KCNN2: variants seen among roughly 807,000 people sequenced by gnomAD.
KCNN2 encodes potassium calcium-activated channel subfamily N member 2.
KCNN2 carries 24 observed loss-of-function variants against 55.5 expected under a neutral mutation model. That is an observed-to-expected ratio of 0.43 (90% CI 0.31 to 0.61). KCNN2 has a LOEUF of 0.61. Ranked by LOEUF, KCNN2 falls within the 20% of genes least tolerant of loss-of-function variation. The pLI, the probability that KCNN2 is intolerant of heterozygous loss-of-function variation, is 0.08. For missense variants in KCNN2, 754 were observed against 853.6 expected (o/e 0.88, Z 1.45); for synonymous variants, 431 against 336.1 (o/e 1.28, Z -3.09).
intron 2 of KCNN2, among the ~76,000 whole-genome samples, chr5:114,257,130 G>A (rs1441971547): frequency 1.3e-5 from 2 of 152,040 alleles, no homozygotes; most frequent in African/African-American, 4.8e-5. Flanking sequence ...TTTCCCTAGT[G>A]TATATTTTTA....
chr5:114,325,991 T>G (rs1179647280), intron 2 of KCNN2, among the ~76,000 whole-genome samples: 1 of 152,240 alleles, frequency 6.6e-6, no homozygotes, highest in Non-Finnish European at 1.5e-5. Flanking sequence ...TGCAGTTAAA[T>G]GCATGAATTC....
intron 1 of KCNN2, among the ~76,000 whole-genome samples, chr5:114,138,913 T>C (rs961922403): frequency 2.0e-5 from 3 of 152,182 alleles, no homozygotes; most frequent in African/African-American, 7.2e-5. Context: ...TGTTGCTTAT[T>C]TGATTTCTGG....
Position 114,091,380 on chromosome 5 carries a change from G to A in KCNN2, c.-271+34880G>A, listed in dbSNP as rs995560959. Reference sequence around the variant, plus strand: ...TCTGTTACTAGATATATATAAATTCGGAGCTACCTGAAATATCCAAATTGA... The same window carrying A: ...TCTGTTACTAGATATATATAAATTCAGAGCTACCTGAAATATCCAAATTGA... On this transcript the variant is annotated intron_variant, in intron 1 of 10. Coordinates refer to the KCNN2 transcript ENST00000512097. Among the ~76,000 whole-genome samples the A allele has an allele frequency of 4.6e-5, 7 of 152,100 alleles. No homozygotes were observed. In the East Asian group the frequency reaches 9.7e-4, roughly 21 times the overall value.
intron 1 of KCNN2, among the ~76,000 whole-genome samples, chr5:114,104,210 C>A (rs148387095): frequency 0.029 from 4,471 of 152,148 alleles, 223 homozygotes; most frequent in African/African-American, 0.1. Context: ...GGTTTATTTT[C>A]TAAGAGGTGT....
intron 1 of KCNN2, among the ~76,000 whole-genome samples, chr5:114,092,381 A>G (rs921199180): frequency 6.6e-6 from 1 of 152,118 alleles, no homozygotes; most frequent in African/African-American, 2.4e-5. Flanking sequence ...TCTGAAGGGT[A>G]CAGTTCCACT....
chr5:114,141,539 C>T (rs544600746), intron 1 of KCNN2, among the ~76,000 whole-genome samples: 1 of 152,276 alleles, frequency 6.6e-6, no homozygotes, highest in East Asian at 1.9e-4. Flanking sequence ...CATTGATGGA[C>T]ATTTGGGTTG....
At chr5:114,318,140 G>A (rs893258828) in intron 2 of KCNN2, among the ~76,000 whole-genome samples, 16 of 152,126 alleles carry the variant, frequency 1.1e-4, no homozygotes, top group African/African-American at 3.9e-4. Flanking sequence ...TCTTCAGTTG[G>A]ACTCATTATA....
chr5:114,285,532 G>A (rs1173550518), intron 2 of KCNN2, among the ~76,000 whole-genome samples: 1 of 152,092 alleles, frequency 6.6e-6, no homozygotes, highest in African/African-American at 2.4e-5. Flanking sequence ...GCCATACCAA[G>A]GAACCTGGAT....
chr5:114,288,118 G>T (rs936292797), intron 2 of KCNN2, among the ~76,000 whole-genome samples: 11 of 152,086 alleles, frequency 7.2e-5, no homozygotes, highest in African/African-American at 2.4e-4. Context: ...TTTGTGTCTG[G>T]CTTCCATTAC....
intron 1 of KCNN2, among the ~76,000 whole-genome samples, chr5:114,194,111 GAAT>G (rs1753503514): frequency 6.6e-6 from 1 of 151,820 alleles, no homozygotes. Context: ...TAGTTTGTAT[GAAT>G]AATATTACAT....
chr5:114,459,613 A>G (rs1013509469), intron 3 of KCNN2, among the ~76,000 whole-genome samples: 5 of 152,186 alleles, frequency 3.3e-5, no homozygotes, highest in Non-Finnish European at 2.9e-5. Context: ...TGATTACCTC[A>G]TCTTGAATAT....
At chr5:114,174,710 C>G (rs1012942614) in intron 1 of KCNN2, among the ~76,000 whole-genome samples, 3 of 152,148 alleles carry the variant, frequency 2.0e-5, no homozygotes, top group African/African-American at 7.2e-5. Flanking sequence ...CTCGATAAAA[C>G]AGGATGTCAT....
chr5:114,076,003 G>A (rs2974481), intron 1 of KCNN2, among the ~76,000 whole-genome samples: 132,919 of 152,322 alleles, frequency 0.87, 58,155 homozygotes, highest in Non-Finnish European at 0.9. Context: ...TTAAGTGTGT[G>A]TTCACTAGAT....
At chr5:114,187,801 C>T (rs1434900104) in intron 1 of KCNN2, among the ~76,000 whole-genome samples, 4 of 150,770 alleles carry the variant, frequency 2.7e-5, no homozygotes, top group African/African-American at 4.9e-5. Flanking sequence ...CCACCATGCC[C>T]GGCCCCCTTT....
rs6149185 is a variant in KCNN2, at chr5:114,323,649, A to ATTTTTTTTTTTTTTTT, written c.-184-37293_-184-37278dup. Among the ~76,000 whole-genome samples the ATTTTTTTTTTTTTTTT allele has an allele frequency of 1.9e-3, 159 of 85,280 alleles. 24 individuals carry two copies. Among genetic ancestry groups the ATTTTTTTTTTTTTTTT allele is most frequent in the East Asian group, 0.013 (31 of 2,320 alleles). 55.9% of individuals were successfully genotyped at this position (85,280 alleles called of 152,430 possible). ...TAAGTATCATGATATAAACATATCA[A>ATTTTTTTTTTTTTTTT]TTTTTTTTTTTTTTTTTTGCTGGTC... On this transcript the variant is annotated intron_variant, in intron 2 of 10. Transcript: ENST00000512097.
chr5:114,451,414 C>T (rs1760671324), intron 3 of KCNN2, among the ~76,000 whole-genome samples: 1 of 152,088 alleles, frequency 6.6e-6, no homozygotes, highest in African/African-American at 2.4e-5. Flanking sequence ...GGACATTTTA[C>T]AGAACCATGC....
At chr5:114,242,608 C>T (rs1057083325) in intron 2 of KCNN2, among the ~76,000 whole-genome samples, 2 of 151,736 alleles carry the variant, frequency 1.3e-5, no homozygotes, top group African/African-American at 2.4e-5. Context: ...ATTTTGAACT[C>T]GCGAATAGGA....
In KCNN2 at chr5:114,101,708, G is replaced by T. The variant is rs141926302; in HGVS notation, c.-271+45208G>T. Among the ~76,000 whole-genome samples the T allele has an allele frequency of 4.1e-3, 618 of 151,970 alleles. 2 individuals carry two copies. Among genetic ancestry groups the T allele is most frequent in the African/African-American group, 0.014 (591 of 41,456 alleles). On this transcript the variant is annotated intron_variant, in intron 1 of 10. Transcript: ENST00000512097. ...TGTTTGGTTTTCTGTTTCTGTGTTA[G>T]TTTGCTGAGAATGATGGTTTCCAGC...
intron 3 of KCNN2, among the ~76,000 whole-genome samples, chr5:114,449,846 G>T (rs1760577247): frequency 1.3e-5 from 2 of 151,066 alleles, no homozygotes; most frequent in African/African-American, 4.9e-5. Flanking sequence ...TGCTACCTTA[G>T]ATTGGATTTA....
Sources: gnomAD v4.1 joint callset for allele counts (sites outside exome capture counted in the v4.1 genomes callset) on GRCh38, gnomAD v4.1.1 for gene constraint, MANE v1.5 for transcripts, NCBI Gene and HGNC (gene_info 2026-07-23, HGNC 2026-07-21) for gene names.